Variants in FSTL4 observed in about 807,000 individuals in gnomAD.
FSTL4 encodes the protein follistatin like 4.
In FSTL4, 28 loss-of-function variants were observed where a neutral mutation model predicts 78.2. The ratio of observed to expected loss-of-function variants is 0.36; its 90% confidence interval spans 0.27 to 0.49. FSTL4 has a LOEUF of 0.49. Among genes scored for constraint, FSTL4 ranks in the 20% least tolerant of loss-of-function variants. FSTL4 has a pLI of 0.98. For missense variants in FSTL4, 922 were observed against 1,084.9 expected, an observed-to-expected ratio of 0.85 and a Z score of 2.11; for synonymous variants, 422 against 440.5, an observed-to-expected ratio of 0.96 and a Z score of 0.53.
chr5:133,360,192 T>C (rs562927498), intron 4 of FSTL4, among the ~76,000 whole-genome samples: 1 of 152,234 alleles, frequency 6.6e-6, no homozygotes, highest in Non-Finnish European at 1.5e-5. Flanking sequence ...TACAATCTTC[T>C]CAACGTTTAC....
chr5:133,410,946 G>C (rs1756466285), intron 3 of FSTL4, among the ~76,000 whole-genome samples: 1 of 152,204 alleles, frequency 6.6e-6, no homozygotes, highest in South Asian at 2.1e-4. Context: ...GCTCAACCGA[G>C]CCAAGCAGTG....
intron 6 of FSTL4, among the ~76,000 whole-genome samples, chr5:133,296,852 A>C (rs1408138769): frequency 6.6e-6 from 1 of 152,200 alleles, no homozygotes; most frequent in Non-Finnish European, 1.5e-5. Flanking sequence ...GCAGCCTAGA[A>C]CAGCTCCTGC....
chr5:133,669,993 G>C, the FSTL4 span, among the ~76,000 whole-genome samples: 1 of 152,100 alleles, frequency 6.6e-6, no homozygotes, highest in Non-Finnish European at 1.5e-5. Flanking sequence ...CCTGTCTCAG[G>C]CCTCCCTCAC....
intron 3 of FSTL4, among the ~76,000 whole-genome samples, chr5:133,455,262 T>G (rs189806118): frequency 6.6e-6 from 1 of 152,200 alleles, no homozygotes; most frequent in Non-Finnish European, 1.5e-5. Context: ...CTTCCTAGCC[T>G]TCCTGCTTTA....
chr5:133,641,270 A>AGAAACAAAAAC, the FSTL4 span, among the ~76,000 whole-genome samples: 4 of 145,102 alleles, frequency 2.8e-5, no homozygotes, highest in African/African-American at 1.1e-4. Flanking sequence ...ACACAAAAAC[A>AGAAACAAAAAC]AAAAAAAACA....
At chr5:133,275,725 C>G (rs563171048) in intron 6 of FSTL4, 3 of 152,152 alleles carry the variant, frequency 2.0e-5, no homozygotes, top group Non-Finnish European at 4.4e-5. Context: ...ATACGAATAC[C>G]CTCTCCATTT....
the FSTL4 span, among the ~76,000 whole-genome samples, chr5:133,664,991 C>T: frequency 0.031 from 4,657 of 152,190 alleles, 97 homozygotes; most frequent in East Asian, 0.085. Flanking sequence ...CCTACCCAGC[C>T]GGAGCTAAGA....
intron 6 of FSTL4, among the ~76,000 whole-genome samples, chr5:133,263,646 G>T (rs1426704481): frequency 1.3e-5 from 2 of 152,180 alleles, no homozygotes; most frequent in Middle Eastern, 3.2e-3. Flanking sequence ...AGGTGAGAAG[G>T]TGAAGAGGCA....
chr5:133,532,555 C>A (rs1039024880), intron 3 of FSTL4, among the ~76,000 whole-genome samples: 1 of 152,176 alleles, frequency 6.6e-6, no homozygotes, highest in Non-Finnish European at 1.5e-5. Flanking sequence ...CCAAGGAAGA[C>A]CCTGCTAGAC....
At chr5:133,343,248 G>GGGA (rs1754623685) in intron 4 of FSTL4, among the ~76,000 whole-genome samples, 1 of 151,944 alleles carries the variant, frequency 6.6e-6, no homozygotes, top group Non-Finnish European at 1.5e-5. Context: ...GGAGGACAGA[G>GGGA]GGAGGGTTGA....
At chr5:133,546,942 C>G (rs1168942659) in intron 3 of FSTL4, among the ~76,000 whole-genome samples, 2 of 152,118 alleles carry the variant, frequency 1.3e-5, no homozygotes, top group African/African-American at 4.8e-5. Context: ...CTTCCTCCCC[C>G]CAGATTTCAA....
intron 3 of FSTL4, among the ~76,000 whole-genome samples, chr5:133,537,191 A>G (rs942902104): frequency 6.6e-6 from 1 of 152,324 alleles, no homozygotes; most frequent in South Asian, 2.1e-4. Context: ...ACTCATTCAT[A>G]TACTTTCTAT....
At chr5:133,566,132 T>G (rs1049828948) in intron 3 of FSTL4, among the ~76,000 whole-genome samples, 2 of 152,224 alleles carry the variant, frequency 1.3e-5, no homozygotes, top group Admixed American at 6.5e-5. Context: ...AAAGTTCATC[T>G]TAGAGTCAGA....
intron 14 of FSTL4, among the ~76,000 whole-genome samples, chr5:133,206,777 T>TTTTG (rs1750522382): frequency 6.6e-6 from 1 of 152,170 alleles, no homozygotes; most frequent in Admixed American, 6.5e-5. Flanking sequence ...GATTCATCTT[T>TTTTG]TTTGTTTTGC....
At chr5:133,303,263 T>C (rs1347611747) in intron 6 of FSTL4, among the ~76,000 whole-genome samples, 2 of 152,170 alleles carry the variant, frequency 1.3e-5, no homozygotes, top group African/African-American at 2.4e-5. Flanking sequence ...TCCTTAGCCT[T>C]TGGGGCTAAA....
At chr5:133,651,528 T>G in the FSTL4 span, among the ~76,000 whole-genome samples, 7 of 152,158 alleles carry the variant, frequency 4.6e-5, no homozygotes, top group Non-Finnish European at 8.8e-5. Context: ...CCTGTTGATG[T>G]GATGGATTAC....
the FSTL4 span, among the ~76,000 whole-genome samples, chr5:133,759,243 C>A: frequency 2.6e-5 from 4 of 152,112 alleles, no homozygotes; most frequent in Admixed American, 2.6e-4. Context: ...CATGGAGATG[C>A]AAATTAAGCA....
At chr5:133,823,573 CAG>C in the FSTL4 span, among the ~76,000 whole-genome samples, 1 of 152,194 alleles carries the variant, frequency 6.6e-6, no homozygotes, top group Non-Finnish European at 1.5e-5. Flanking sequence ...GAATAGCTCC[CAG>C]AGAGGCAGTA....
rs187769962 is a variant in FSTL4, at chr5:133,300,228, A to T, written c.727+12426T>A. ...TCTGCACTAGGGGACATGAGGAAGG[A>T]GACATGGTGGCCACATCTCCCACAG... On this transcript the variant is annotated intron_variant, in intron 6 of 15. Coordinates refer to ENST00000265342, the MANE Select transcript of FSTL4 (RefSeq NM_015082.2). Among the ~76,000 whole-genome samples the T allele has an allele frequency of 2.2e-3, 333 of 152,264 alleles. 6 individuals are homozygous for T. Among genetic ancestry groups the T allele is most frequent in the Admixed American group, 0.02 (303 of 15,296 alleles).
Sources: allele counts gnomAD v4.1 joint callset (sites outside exome capture counted in the v4.1 genomes callset), GRCh38; gene constraint gnomAD v4.1.1; transcripts MANE v1.5; gene names NCBI Gene and HGNC (gene_info 2026-07-23, HGNC 2026-07-21).